SLC25A18: variants seen among roughly 807,000 people sequenced by gnomAD.
SLC25A18 encodes solute carrier family 25 member 18.
A neutral mutation model predicts 31.1 loss-of-function variants in SLC25A18; 24 were observed. That is an observed-to-expected ratio of 0.77 (90% CI 0.56 to 1.08). The LOEUF (loss-of-function observed/expected upper bound fraction) is 1.08. Ranked by LOEUF, SLC25A18 falls within the 50% of genes least tolerant of loss-of-function variation. The pLI is 0.00. For missense variants in SLC25A18, 371 were observed against 418.5 expected (o/e 0.89, Z 0.99); for synonymous variants, 173 against 161.9 (o/e 1.07, Z -0.52).
intron 2 of SLC25A18, among the ~76,000 whole-genome samples, chr22:17,574,221 C>T (rs1291239864): frequency 6.8e-6 from 1 of 147,522 alleles, no homozygotes; most frequent in Non-Finnish European, 1.5e-5. Context: ...GCAACAGAGC[C>T]AGATCTTGTC....
chr22:17,589,534 G>C (rs1359835328), intron 9 of SLC25A18, 56 bp from the exon 10 acceptor site: 2 of 1,533,214 alleles, frequency 1.3e-6, no homozygotes, highest in African/African-American at 1.4e-5. Flanking sequence ...TAGTGTTGAG[G>C]GGAGGACACC....
chr22:17,587,056 AG>A, intron 7 of SLC25A18, 79 bp from the exon 8 acceptor site: 1 of 1,496,920 alleles, frequency 6.7e-7, no homozygotes. Flanking sequence ...TCCCAGGGGC[AG>A]GGATTGAGAG....
intron 2 of SLC25A18, 107 bp from the exon 3 acceptor site, chr22:17,579,638 A>G (rs949082997): frequency 2.2e-6 from 2 of 928,082 alleles, no homozygotes; most frequent in African/African-American, 1.7e-5. Context: ...CCAAAGTCCA[A>G]AAGGTTTAGG....
intron 2 of SLC25A18, among the ~76,000 whole-genome samples, chr22:17,574,955 G>A (rs34618306): frequency 0.065 from 9,897 of 151,722 alleles, 466 homozygotes; most frequent in Non-Finnish European, 0.099. Flanking sequence ...AGGTTCAAGC[G>A]ATTCTCCTGC....
Position 17,581,374 on chromosome 22 carries a change from A to G in SLC25A18, c.160A>G (p.Lys54Glu), listed in dbSNP as rs1408607332. 6.2e-7 allele frequency: 1 copy of G among 1,614,096 alleles called. No individual in the cohort carries two copies. The highest frequency in any genetic ancestry group is 8.5e-7 in the Non-Finnish European group (1 of 1,180,008). The part of the protein sequence containing the change: ...MYKGMIDCLM[K>E]TARAEGFFGM... ...TGCTTCCAGGATCGACTGCCTGATG[A>G]AGACGGCTCGGGCGGAGGGCTTCTT... The change falls in exon 5 of 11, where the codon AAG (lysine) becomes GAG (glutamate). Residue 54 changes from lysine to glutamate, a missense_variant. Physicochemically the swap from Lys to Glu is moderately conservative, Grantham distance 56 (BLOSUM62 1). Transcript: ENST00000327451.
intron 10 of SLC25A18, 45 bp downstream of exon 10, chr22:17,589,710 C>T: frequency 1.3e-6 from 2 of 1,576,864 alleles, no homozygotes; most frequent in South Asian, 2.2e-5. Context: ...ACAGGTTCCT[C>T]TGCGTGGGTG....
intron 1 of SLC25A18, among the ~76,000 whole-genome samples, chr22:17,564,875 C>G (rs898988629): frequency 1.1e-5 from 1 of 91,086 alleles, no homozygotes; most frequent in Non-Finnish European, 2.5e-5. Context: ...AAAAATCAGG[C>G]CCAGGCAACA....
chr22:17,585,656 T>A (rs695588), intron 7 of SLC25A18, among the ~76,000 whole-genome samples: 68,791 of 135,196 alleles, frequency 0.51, 18,775 homozygotes, highest in East Asian at 0.69. Context: ...TATTATTTTT[T>A]TTTTTTTTTT....
chr22:17,565,409 G>A (rs1281441374), intron 1 of SLC25A18, among the ~76,000 whole-genome samples: 1 of 151,912 alleles, frequency 6.6e-6, no homozygotes, highest in Non-Finnish European at 1.5e-5. Flanking sequence ...TAGAGATAGG[G>A]TCTTGCCAAG....
chr22:17,574,229 G>C (rs2057169228), intron 2 of SLC25A18, among the ~76,000 whole-genome samples: 1 of 141,012 alleles, frequency 7.1e-6, no homozygotes, highest in South Asian at 2.5e-4. Context: ...GCCAGATCTT[G>C]TCCCCTGAAA....
At chr22:17,575,997 C>T (rs563407957) in intron 2 of SLC25A18, among the ~76,000 whole-genome samples, 3 of 152,068 alleles carry the variant, frequency 2.0e-5, no homozygotes, top group Non-Finnish European at 4.4e-5. Context: ...GTTCTGCATC[C>T]CAGCACTTAG....
At chr22:17,574,925 C>T (rs1407429331) in intron 2 of SLC25A18, among the ~76,000 whole-genome samples, 1 of 151,684 alleles carries the variant, frequency 6.6e-6, no homozygotes, top group African/African-American at 2.4e-5. Context: ...GATCTCAACT[C>T]ACTGCAACCT....
In SLC25A18 at chr22:17,569,986, GGTAAGT is replaced by G; in HGVS notation, c.-201+3_-201+8del. On this transcript the variant is annotated splice_donor_variant and splice_donor_5th_base_variant and intron_variant, in intron 2 of 10. Transcript: ENST00000327451. LOFTEE classifies it low-confidence loss of function (5UTR_SPLICE). ...AAGGCAGAGGTTCTTACCGAAAGCA[GGTAAGT>G]GTCTTGTCTGTCTGCATCAAGCTCA... 1.0e-6 allele frequency: 1 copy of G among 985,472 alleles called. No individual in the cohort carries two copies. Among genetic ancestry groups the G allele is most frequent in the Non-Finnish European group, 1.2e-6 (1 of 829,956 alleles). The allele number at this position is 985,472 out of a possible 1,614,324, so 61.0% of individuals were successfully genotyped here.
rs531322725 is a variant in SLC25A18 at position 17,584,447 on chromosome 22, G to T, written c.409+913G>T. On this transcript the variant is annotated intron_variant, in intron 7 of 10. Transcript: ENST00000327451. Reference sequence around the variant, plus strand: ...AGAAGGAAGGAAGGAAGGAAGGAAGGAGAGAGAGAGAGAGAGAGAGAGAGA... The same window carrying T: ...AGAAGGAAGGAAGGAAGGAAGGAAGTAGAGAGAGAGAGAGAGAGAGAGAGA... Among the ~76,000 whole-genome samples the T allele has an allele frequency of 1.4e-4, 16 of 110,590 alleles. No individual in the cohort carries two copies. In the East Asian group the frequency reaches 6.2e-3, roughly 43 times the overall value. 72.6% of individuals were successfully genotyped at this position (110,590 alleles called of 152,430 possible). A position where few individuals can be genotyped will look rare whatever the true frequency, so the allele number is the denominator to read the frequency against.
Position 17,590,383 on chromosome 22 carries a change from T to C in SLC25A18, c.*147T>C. Reference sequence around the variant, plus strand: ...ACCTCAATCTCGGGAGAAACAGCCCTATATTCTAACAAGTTGAGCACAGCC... The same window carrying C: ...ACCTCAATCTCGGGAGAAACAGCCCCATATTCTAACAAGTTGAGCACAGCC... On this transcript the variant is annotated 3_prime_UTR_variant, in exon 11 of 11. Coordinates refer to ENST00000327451, the MANE Select transcript of SLC25A18 (RefSeq NM_031481.3). The C allele has an allele frequency of 2.2e-6, 2 of 923,792 alleles. No individual in the cohort carries two copies. The highest frequency in any genetic ancestry group is 3.6e-5 in the South Asian group (2 of 55,268). The allele number at this position is 923,792 out of a possible 1,614,324, so 57.2% of individuals were successfully genotyped here. A position where few individuals can be genotyped will look rare whatever the true frequency, so the allele number is the denominator to read the frequency against.
intron 2 of SLC25A18, among the ~76,000 whole-genome samples, chr22:17,573,556 A>G (rs2057153212): frequency 6.6e-6 from 1 of 152,178 alleles, no homozygotes; most frequent in African/African-American, 2.4e-5. Flanking sequence ...TGGTGTCTAC[A>G]GCTGAGGTGT....
At chr22:17,575,898 G>A (rs746054287) in intron 2 of SLC25A18, among the ~76,000 whole-genome samples, 3 of 152,300 alleles carry the variant, frequency 2.0e-5, no homozygotes, top group South Asian at 2.1e-4. Flanking sequence ...ATCCCAAGGC[G>A]GTGACAGGGA....
chr22:17,587,219 T>C lies in SLC25A18; in HGVS notation c.493T>C (p.Ser165Pro). ...TGSASTHRRP[S>P]ATLIAWELLR... ...TTCGGCTTCCACCCACAGGCGCCCC[T>C]CTGCCACCCTCATTGCCTGGGAGCT... Residue 165 changes from serine (S) to proline (P), a missense_variant, in exon 8 of 11, where the codon TCT becomes CCT. Physicochemically the swap from Ser to Pro is moderately conservative, Grantham distance 74. Coordinates refer to ENST00000327451, the MANE Select transcript of SLC25A18 (RefSeq NM_031481.3). The C allele has an allele frequency of 6.2e-7, 1 of 1,614,048 alleles. No individual in the cohort carries two copies. Among genetic ancestry groups the C allele is most frequent in the East Asian group, 2.2e-5 (1 of 44,872 alleles).
At chr22:17,572,937 A>G (rs2057137347) in intron 2 of SLC25A18, among the ~76,000 whole-genome samples, 1 of 152,084 alleles carries the variant, frequency 6.6e-6, no homozygotes, top group Non-Finnish European at 1.5e-5. Context: ...CATGGCGCCC[A>G]GCCCTCTACA....
Sources: gnomAD v4.1 joint callset for allele counts (sites outside exome capture counted in the v4.1 genomes callset) on GRCh38, gnomAD v4.1.1 for gene constraint, MANE v1.5 for transcripts, NCBI Gene and HGNC (gene_info 2026-07-23, HGNC 2026-07-21) for gene names.